The following MYT1 variants were observed in gnomAD, a reference collection of about 807,000 sequenced individuals.
MYT1 encodes myelin transcription factor I.
MYT1 carries 23 observed loss-of-function variants against 123.0 expected under a neutral mutation model. The observed-to-expected ratio is 0.19, with a 90% CI of 0.13 to 0.26. MYT1 has a LOEUF of 0.26. Among genes scored for constraint, MYT1 ranks in the 10% least tolerant of loss-of-function variants. The pLI, the probability that MYT1 is intolerant of heterozygous loss-of-function variation, is 1.00. For missense variants in MYT1, 1,125 were observed against 1,472.5 expected (o/e 0.76, Z 3.86); for synonymous variants, 518 against 575.3 (o/e 0.90, Z 1.43).
At chr20:64,209,602 G>A (rs372447083) in intron 7 of MYT1, among the ~76,000 whole-genome samples, 1 of 152,214 alleles carries the variant, frequency 6.6e-6, no homozygotes, top group Non-Finnish European at 1.5e-5. Context: ...TAAGGAGAGA[G>A]AACTGGGATG....
At chr20:64,216,950 C>T (rs1009762129) in intron 10 of MYT1, 117 bp from the exon 11 acceptor site, 2 of 942,958 alleles carry the variant, frequency 2.1e-6, no homozygotes, top group Non-Finnish European at 1.6e-6. Context: ...TCCTGAGTCT[C>T]CTTCCTCACC....
At chr20:64,180,075 A>T (rs1982600908) in intron 1 of MYT1, among the ~76,000 whole-genome samples, 1 of 149,248 alleles carries the variant, frequency 6.7e-6, no homozygotes, top group African/African-American at 2.6e-5. Flanking sequence ...ACACGCAGTT[A>T]CACACACATG....
chr20:64,237,291 G>A lies in MYT1; in HGVS notation c.2994G>A (p.Leu998=). Residue 998 remains leucine, a synonymous_variant, in exon 21 of 23, where the codon TTG becomes TTA. Transcript: ENST00000328439. ...TGAGGTTTCTCTCTGGGTCAGTGTT[G>A]GAGAATGATGAGGAGATCAAGCAGC... ...LSPKFKTSDV[L]ENDEEIKQLN... The A allele has an allele frequency of 6.2e-7, 1 of 1,610,598 alleles. No individual in the cohort carries two copies. Among genetic ancestry groups the A allele is most frequent in the Middle Eastern group, 1.7e-4 (1 of 6,058 alleles).
chr20:64,220,548 G>A (rs997048742), intron 13 of MYT1, among the ~76,000 whole-genome samples: 4 of 152,260 alleles, frequency 2.6e-5, no homozygotes, highest in African/African-American at 9.6e-5. Flanking sequence ...CTTAAAACAT[G>A]TGAAAGAAGA....
chr20:64,182,288 T>A (rs1299084768), intron 1 of MYT1, among the ~76,000 whole-genome samples: 1 of 152,136 alleles, frequency 6.6e-6, no homozygotes, highest in Non-Finnish European at 1.5e-5. Context: ...TCCAGGGAAG[T>A]GGCGGCTGGA....
At chr20:64,240,249 T>A (rs1367281698) in intron 22 of MYT1, 71 bp from the exon 23 acceptor site, 2 of 1,570,026 alleles carry the variant, frequency 1.3e-6, no homozygotes, top group African/African-American at 2.7e-5. Flanking sequence ...GGTTTGATGC[T>A]CCCACATCAG....
At chr20:64,177,380 G>GAA (rs539327635) in intron 1 of MYT1, among the ~76,000 whole-genome samples, 3 of 144,640 alleles carry the variant, frequency 2.1e-5, no homozygotes, top group South Asian at 2.1e-4. Context: ...TTCCAGAGAG[G>GAA]AAAAAAAAAA....
In MYT1 at chr20:64,231,285, G is replaced by A. The variant is rs758671701; in HGVS notation, c.2676-879G>A. ...GGTTTGGCGTGGGTTCCTGGATGAC[G>A]TGGTCCCTCAGCTCCCCAAGTCCTG... On this transcript the variant is annotated intron_variant, in intron 18 of 22. Coordinates refer to ENST00000328439, the MANE Select transcript of MYT1 (RefSeq NM_004535.3). This position sits in a 1 kb window ranked among gnomAD's most constrained non-coding sequence, Gnocchi z 6.4. Among the ~76,000 whole-genome samples, 4 of 152,146 alleles carry A rather than the reference G, an allele frequency of 2.6e-5. No homozygotes were observed. The highest frequency in any genetic ancestry group is 4.4e-5 in the Non-Finnish European group (3 of 68,030).
At chr20:64,219,192 CA>C (rs1040194467) in intron 12 of MYT1, among the ~76,000 whole-genome samples, 157 bp downstream of exon 12, 1 of 152,232 alleles carries the variant, frequency 6.6e-6, no homozygotes, top group African/African-American at 2.4e-5. Flanking sequence ...GCCATGGCCC[CA>C]AGGACCGCAG....
At chr20:64,219,629 C>A in intron 12 of MYT1, 84 bp from the exon 13 acceptor site, 1 of 1,230,158 alleles carries the variant, frequency 8.1e-7, no homozygotes, top group Non-Finnish European at 1.2e-6. Flanking sequence ...GTGTTCTGGA[C>A]TCTGTACGTT....
chr20:64,239,747 C>T lies in MYT1; in HGVS notation c.3094-13C>T. The T allele has an allele frequency of 2.5e-6, 4 of 1,613,604 alleles. No individual in the cohort carries two copies. Among genetic ancestry groups the T allele is most frequent in the Non-Finnish European group, 2.5e-6 (3 of 1,179,840 alleles). On this transcript the variant is annotated splice_polypyrimidine_tract_variant and intron_variant, in intron 21 of 22. Transcript: ENST00000328439. ...CAAGGGCAGGCGGCACTTCGAATCTCTCTCTGGCACAGATCTCCTCCATGG... is the reference window on the plus strand; with the variant it reads ...CAAGGGCAGGCGGCACTTCGAATCTTTCTCTGGCACAGATCTCCTCCATGG...
At chr20:64,236,172 G>C (rs1984531976) in intron 19 of MYT1, among the ~76,000 whole-genome samples, 1 of 135,996 alleles carries the variant, frequency 7.4e-6, no homozygotes, top group East Asian at 2.3e-4. Flanking sequence ...GGCTGGCCGT[G>C]GTGGGTGACC....
intron 6 of MYT1, 125 bp from the exon 7 acceptor site, chr20:64,207,469 C>G: frequency 6.7e-7 from 1 of 1,488,528 alleles, no homozygotes; most frequent in Non-Finnish European, 9.0e-7. Flanking sequence ...TCATGTTTCC[C>G]CTTGGCTCCC....
intron 16 of MYT1, among the ~76,000 whole-genome samples, chr20:64,226,097 A>G (rs1437830405): frequency 6.6e-6 from 1 of 152,160 alleles, no homozygotes; most frequent in Non-Finnish European, 1.5e-5. Flanking sequence ...TGAGACAAGG[A>G]GCTGGAGCCC....
intron 1 of MYT1, among the ~76,000 whole-genome samples, chr20:64,180,086 C>T (rs773418251): frequency 2.0e-5 from 3 of 151,318 alleles, no homozygotes; most frequent in Non-Finnish European, 4.4e-5. Flanking sequence ...CACACACATG[C>T]TACACACAGG....
intron 21 of MYT1, among the ~76,000 whole-genome samples, chr20:64,238,195 G>T (rs1984608801): frequency 1.3e-5 from 2 of 152,174 alleles, no homozygotes; most frequent in Admixed American, 1.3e-4. Flanking sequence ...CAGCCGTGCT[G>T]GGGGAGACAT....
chr20:64,199,022 G>A (rs1983211128), intron 3 of MYT1, 106 bp downstream of exon 3: 4 of 1,212,096 alleles, frequency 3.3e-6, no homozygotes, highest in Non-Finnish European at 4.8e-6. Context: ...ATGCCCTGGG[G>A]ACCTCAGGCC....
rs556147156 is a variant in MYT1 at position 64,228,891 on chromosome 20, C to T, written c.2675+920C>T. On this transcript the variant is annotated intron_variant, in intron 18 of 22. Transcript: ENST00000328439. The stretch of plus-strand genomic sequence containing the variant: ...GGGTTAGGGGCCGGCTCGGTCGGGA[C>T]GGGGCCCTACTATGCCCGCAGGAAG... Among the ~76,000 whole-genome samples the T allele has an allele frequency of 4.9e-4, 75 of 152,296 alleles. 1 individual carries two copies. Among genetic ancestry groups the T allele is most frequent in the African/African-American group, 1.6e-3 (68 of 41,566 alleles).
intron 1 of MYT1, among the ~76,000 whole-genome samples, chr20:64,176,453 T>A (rs1982456871): frequency 6.6e-6 from 1 of 151,214 alleles, no homozygotes; most frequent in South Asian, 2.1e-4. Context: ...CATCTTTCCC[T>A]GTAGTTGTGT....
Sources: allele counts gnomAD v4.1 joint callset (sites outside exome capture counted in the v4.1 genomes callset), GRCh38; gene constraint gnomAD v4.1.1; non-coding constraint Gnocchi (gnomAD v3.1); transcripts MANE v1.5; gene names NCBI Gene and HGNC (gene_info 2026-07-23, HGNC 2026-07-21).